Variants in USP37 observed in about 807,000 individuals in gnomAD.
The protein encoded by USP37 is ubiquitin specific peptidase 37.
In USP37, 27 loss-of-function variants were observed where a neutral mutation model predicts 124.0. That is an observed-to-expected ratio of 0.22 (90% CI 0.16 to 0.30). The LOEUF (loss-of-function observed/expected upper bound fraction) is 0.30, where lower values mean the gene tolerates loss of function less well. USP37 is among the 10% of genes least tolerant of loss of function. The probability of loss-of-function intolerance (pLI) is 1.00; values close to 1 mark genes in which losing one functional copy is unlikely to be tolerated. For missense variants in USP37, 889 were observed against 1,140.4 expected, an observed-to-expected ratio of 0.78 and a Z score of 3.17; for synonymous variants, 365 against 388.0, an observed-to-expected ratio of 0.94 and a Z score of 0.70.
intron 5 of USP37, among the ~76,000 whole-genome samples, chr2:218,551,690 A>T (rs1692669731): frequency 6.6e-6 from 1 of 152,250 alleles, no homozygotes; most frequent in Non-Finnish European, 1.5e-5. Flanking sequence ...TCAATTGTTA[A>T]AACAGTGATT....
chr2:218,509,983 G>A lies in USP37; in HGVS notation c.1021C>T (p.Gln341Ter). Residue 341 changes from glutamine (Q) to a stop codon, truncating the protein, a stop_gained, in exon 11 of 26, where the codon CAG (glutamine) becomes TAG (stop). Coordinates refer to ENST00000258399, the MANE Select transcript of USP37 (RefSeq NM_020935.3). LOFTEE classifies it high-confidence loss of function. ...AAAATGAAAGAATTGACCTACCCCT[G>A]CAGTTGCTGCTGTTGGTGAGAGGAA... is the stretch of plus-strand genomic sequence containing the variant. Reference protein sequence around the residue: ...PLSSHQQQQLQGFSNLGNTCY... With the variant: ...PLSSHQQQQL 1 of 1,561,514 alleles carries A rather than the reference G, an allele frequency of 6.4e-7. No homozygotes were observed. Among genetic ancestry groups the A allele is most frequent in the South Asian group, 1.2e-5 (1 of 81,852 alleles).
intron 20 of USP37, among the ~76,000 whole-genome samples, chr2:218,467,186 T>G (rs1390408321): frequency 7.0e-6 from 1 of 143,026 alleles, no homozygotes; most frequent in African/African-American, 2.6e-5. Flanking sequence ...CCTCCTCCCT[T>G]CCCCCTCCCC....
intron 9 of USP37, among the ~76,000 whole-genome samples, chr2:218,532,954 A>AT (rs954927975): frequency 1.1e-4 from 17 of 148,870 alleles, no homozygotes; most frequent in Admixed American, 2.0e-4. Flanking sequence ...CTTTATTATT[A>AT]TTTTTTTTTT....
chr2:218,526,784 G>GTTTT (rs1491291222), intron 10 of USP37, among the ~76,000 whole-genome samples: 1 of 54,186 alleles, frequency 1.8e-5, no homozygotes, highest in Non-Finnish European at 3.5e-5. Flanking sequence ...CATTTCATTT[G>GTTTT]CTTTTTTTTT....
At chr2:218,531,223 G>A (rs1301137056) in intron 9 of USP37, among the ~76,000 whole-genome samples, 4 of 152,168 alleles carry the variant, frequency 2.6e-5, no homozygotes, top group East Asian at 1.9e-4. Flanking sequence ...CTTGCTAGGC[G>A]CTAATGTGGC....
chr2:218,523,619 T>C (rs1161430525), intron 10 of USP37, among the ~76,000 whole-genome samples: 1 of 152,214 alleles, frequency 6.6e-6, no homozygotes, highest in Non-Finnish European at 1.5e-5. Flanking sequence ...GATGTTACTA[T>C]GTTGCCCAGG....
chr2:218,506,857 C>T (rs1465946977), intron 11 of USP37, among the ~76,000 whole-genome samples: 14 of 149,812 alleles, frequency 9.3e-5, no homozygotes, highest in Non-Finnish European at 1.6e-4. Flanking sequence ...AGTGCAGTGG[C>T]GCGATCTCAG....
At chr2:218,546,140 TC>T (rs1692306888) in intron 8 of USP37, 80 bp downstream of exon 8, 2 of 1,144,906 alleles carry the variant, frequency 1.7e-6, no homozygotes, top group Non-Finnish European at 2.5e-6. Context: ...TAAAACCATT[TC>T]CCCAATCTTC....
chr2:218,459,467 A>G (rs1007658225), intron 23 of USP37, among the ~76,000 whole-genome samples: 1 of 152,236 alleles, frequency 6.6e-6, no homozygotes, highest in African/African-American at 2.4e-5. Flanking sequence ...AGCCTCCCAA[A>G]GTGCTGGGAT....
chr2:218,477,884 T>G (rs1180698670), intron 18 of USP37, among the ~76,000 whole-genome samples: 1 of 152,210 alleles, frequency 6.6e-6, no homozygotes, highest in Non-Finnish European at 1.5e-5. Context: ...AAAAATTCAC[T>G]TATGTGGAAT....
intron 10 of USP37, among the ~76,000 whole-genome samples, chr2:218,525,000 G>A (rs1325003029): frequency 6.6e-6 from 1 of 152,162 alleles, no homozygotes; most frequent in Non-Finnish European, 1.5e-5. Flanking sequence ...CTTCTTTACT[G>A]TATACACCCT....
At chr2:218,465,300 G>C (rs1690253630) in intron 21 of USP37, among the ~76,000 whole-genome samples, 1 of 151,872 alleles carries the variant, frequency 6.6e-6, no homozygotes, top group African/African-American at 2.4e-5. Context: ...TGGGAAGCCA[G>C]GCATGGTGGC....
At chr2:218,516,044 C>T (rs945920860) in intron 10 of USP37, among the ~76,000 whole-genome samples, 4 of 152,190 alleles carry the variant, frequency 2.6e-5, no homozygotes, top group African/African-American at 9.7e-5. Flanking sequence ...ACAACAGATG[C>T]TGGCGATGAT....
intron 23 of USP37, 58 bp downstream of exon 23, chr2:218,459,732 A>G (rs2106405869): frequency 6.8e-7 from 1 of 1,465,876 alleles, no homozygotes; most frequent in East Asian, 2.3e-5. Flanking sequence ...TTTGAAGTAA[A>G]GAGTGGGAAG....
chr2:218,455,829 C>T (rs901405013), intron 24 of USP37, 111 bp from the exon 25 acceptor site: 34 of 1,188,470 alleles, frequency 2.9e-5, no homozygotes, highest in South Asian at 2.5e-4. Context: ...AGGCGGATCA[C>T]GAGGTCAGGA....
rs200825290 is a variant in USP37 at position 218,558,506 on chromosome 2, T to A, written c.148A>T (p.Ile50Leu). The part of the protein sequence containing the change: ...VHYNTGGIPR[I>L]FQLSHNIKNV... ...TCAATATTTGGTATTACCTGAAATA[T>A]CCTTGGAATTCCTCCAGTATTGTAG... Residue 50 changes from isoleucine (I) to leucine (L), a missense_variant, in exon 4 of 26, where the codon ATA (isoleucine) becomes TTA (leucine). By Grantham distance (5) the Ile-to-Leu change is conservative. Transcript: ENST00000258399. 2 of 1,609,002 alleles carry A rather than the reference T, an allele frequency of 1.2e-6. No homozygotes were observed. The highest frequency in any genetic ancestry group is 1.1e-5 in the South Asian group (1 of 89,924).
At chr2:218,547,583 CAAAAAAA>C (rs58787835) in intron 6 of USP37, among the ~76,000 whole-genome samples, 9 of 71,610 alleles carry the variant, frequency 1.3e-4, no homozygotes, top group African/African-American at 2.1e-4. Flanking sequence ...AATTACTAAC[CAAAAAAA>C]AAAAAAAAAA....
Position 218,495,761 on chromosome 2 carries a change from C to A in USP37, c.1471G>T (p.Ala491Ser), listed in dbSNP as rs766752595. Residue 491 changes from alanine to serine, a missense_variant and splice_region_variant, in exon 14 of 26, where the codon GCA becomes TCA. By Grantham distance (99) the Ala-to-Ser change is moderately conservative. Transcript: ENST00000258399. ...AATCATTTCTTAGACACTACTTACGCTTTACAAATGATGGAGTGCTGAACC... is the reference window on the plus strand; with the variant it reads ...AATCATTTCTTAGACACTACTTACGATTTACAAATGATGGAGTGCTGAACC... ...FEVQHSIICK[A>S]CGEIIPKREQ... 1.2e-6 allele frequency: 2 copies of A among 1,607,642 alleles called. No individual in the cohort carries two copies. The highest frequency in any genetic ancestry group is 1.7e-6 in the Non-Finnish European group (2 of 1,178,492).
At chr2:218,458,039 C>CAA (rs34696201) in intron 23 of USP37, among the ~76,000 whole-genome samples, 5 of 90,196 alleles carry the variant, frequency 5.5e-5, no homozygotes, top group African/African-American at 1.8e-4. Context: ...GACTCTGTCT[C>CAA]AAAAAAAAAA....
Sources: allele counts gnomAD v4.1 joint callset (sites outside exome capture counted in the v4.1 genomes callset), GRCh38; gene constraint gnomAD v4.1.1; transcripts MANE v1.5; gene names NCBI Gene and HGNC (gene_info 2026-07-23, HGNC 2026-07-21).